Variants in STARD9 observed in about 807,000 individuals in gnomAD.
The protein encoded by STARD9 is StAR related lipid transfer domain containing 9, also known as stAR-related lipid transfer protein 9.
STARD9 carries 346 observed loss-of-function variants against 399.8 expected under a neutral mutation model. The ratio of observed to expected loss-of-function variants is 0.87; its 90% CI spans 0.79 to 0.95. The LOEUF (loss-of-function observed/expected upper bound fraction) is 0.95. Ranked by LOEUF, STARD9 falls within the 40% of genes least tolerant of loss-of-function variation. STARD9 has a pLI of 0.00. For synonymous variants in STARD9, 2,203 were observed against 2,143.5 expected (o/e 1.03, Z -0.77); for missense variants, 5,832 against 5,667.5 (o/e 1.03, Z -0.93).
rs2060736059 is a variant in STARD9, at chr15:42,692,591, G to A, written c.11013G>A (p.Leu3671=). 1 of 1,537,074 alleles carries A rather than the reference G, an allele frequency of 6.5e-7. No homozygotes were observed. Among genetic ancestry groups the A allele is most frequent in the South Asian group, 1.2e-5 (1 of 84,064 alleles). ...CCAGTGCAGTATCAGCCTTTGATCT[G>A]GCCTCATGGACCAGCATGCACAATC... The part of the protein sequence containing the change: ...PEASAVSAFD[L]ASWTSMHNLS... The change falls in exon 23 of 33, where the codon CTG becomes CTA. Residue 3671 remains leucine, a synonymous_variant. Coordinates refer to ENST00000290607, the MANE Select transcript of STARD9 (RefSeq NM_020759.3).
At chr15:42,595,674 C>T (rs886713394) in intron 3 of STARD9, among the ~76,000 whole-genome samples, 2 of 152,178 alleles carry the variant, frequency 1.3e-5, no homozygotes, top group Non-Finnish European at 2.9e-5. Context: ...GCAGCATTTT[C>T]TCATGAATAT....
intron 3 of STARD9, among the ~76,000 whole-genome samples, chr15:42,586,045 C>T (rs1044499993): frequency 5.3e-5 from 8 of 152,126 alleles, no homozygotes; most frequent in African/African-American, 1.4e-4. Flanking sequence ...GTATCACTTC[C>T]AGAAAGAACA....
chr15:42,710,319 T>TC (rs1441568314), intron 26 of STARD9, among the ~76,000 whole-genome samples: 4 of 151,352 alleles, frequency 2.6e-5, no homozygotes, highest in Admixed American at 2.6e-4. Context: ...CGCCTGAGCC[T>TC]CCCAAAGTGT....
intron 1 of STARD9, among the ~76,000 whole-genome samples, chr15:42,577,204 C>T (rs886083882): frequency 6.6e-6 from 1 of 151,648 alleles, no homozygotes; most frequent in Non-Finnish European, 1.5e-5. Flanking sequence ...CCCAGGCTGG[C>T]GTTGAGTGGC....
At chr15:42,588,521 A>G (rs1293480102) in intron 3 of STARD9, among the ~76,000 whole-genome samples, 1 of 152,092 alleles carries the variant, frequency 6.6e-6, no homozygotes, top group East Asian at 1.9e-4. Flanking sequence ...GAGTTAGGAT[A>G]GGAAAGAGAA....
At chr15:42,582,038 T>C (rs1160292088) in intron 1 of STARD9, among the ~76,000 whole-genome samples, 1 of 152,040 alleles carries the variant, frequency 6.6e-6, no homozygotes, top group African/African-American at 2.4e-5. Flanking sequence ...ACTTGGGAAG[T>C]TGAGGTGGAA....
intron 26 of STARD9, among the ~76,000 whole-genome samples, chr15:42,702,304 A>C (rs541187672): frequency 6.6e-6 from 1 of 152,006 alleles, no homozygotes; most frequent in South Asian, 2.1e-4. Context: ...CCCGGGTTCA[A>C]ATGATTCTCC....
Position 42,693,434 on chromosome 15 carries a change from C to G in STARD9, c.11856C>G (p.Ser3952=). 2 of 1,537,210 alleles carry G rather than the reference C, an allele frequency of 1.3e-6. No homozygotes were observed. The highest frequency in any genetic ancestry group is 1.7e-6 in the Non-Finnish European group (2 of 1,146,910). ...DAPRTPMDNY[S]QTTDELGGSQ... is the part of the protein sequence containing the mutation. ...CAAGGACTCCAATGGATAATTATTC[C>G]CAAACCACTGACGAGTTAGGTGGCT... The change falls in exon 23 of 33, where the codon TCC becomes TCG. Residue 3952 remains serine (S), a synonymous_variant. Coordinates refer to ENST00000290607, the MANE Select transcript of STARD9 (RefSeq NM_020759.3).
chr15:42,687,414 T>G lies in STARD9; in HGVS notation c.5836T>G (p.Ser1946Ala), dbSNP rs1448682260. 2 of 1,536,928 alleles carry G rather than the reference T, an allele frequency of 1.3e-6. No individual in the cohort carries two copies. Among genetic ancestry groups the G allele is most frequent in the Non-Finnish European group, 1.7e-6 (2 of 1,146,926 alleles). The change falls in exon 23 of 33, where the codon TCT (serine) becomes GCT (alanine). Residue 1946 changes from serine to alanine, a missense_variant. Physicochemically the swap from Ser to Ala is moderately conservative, Grantham distance 99. Transcript: ENST00000290607. ...AGACATGCCAGGGGAAAGTGCTGTT[T>G]CTTTGAAATCCAGATCAGTAGATCG... is the stretch of plus-strand genomic sequence containing the variant. ...EKDMPGESAV[S>A]LKSRSVDRRV... is the part of the protein sequence containing the mutation.
chr15:42,699,976 G>A (rs1481458932), intron 26 of STARD9, among the ~76,000 whole-genome samples: 1 of 152,120 alleles, frequency 6.6e-6, no homozygotes, highest in Non-Finnish European at 1.5e-5. Flanking sequence ...CAAAGCGTTG[G>A]GGTTACAGGC....
intron 26 of STARD9, among the ~76,000 whole-genome samples, chr15:42,705,757 A>G (rs900068487): frequency 8.3e-5 from 12 of 144,452 alleles, no homozygotes; most frequent in African/African-American, 3.1e-4. Flanking sequence ...TTGTTTGTTT[A>G]TTTTTTATTT....
In STARD9 at chr15:42,692,352, G is replaced by C; in HGVS notation, c.10774G>C (p.Gly3592Arg). Residue 3592 changes from glycine (G) to arginine (R), a missense_variant, in exon 23 of 33, where the codon GGC becomes CGC. Coordinates refer to ENST00000290607, the MANE Select transcript of STARD9 (RefSeq NM_020759.3). ...SGHDRRPQFR[G>R]PSGEADCLRS... Reference sequence around the variant, plus strand: ...TCATGACAGAAGGCCTCAGTTCAGGGGCCCTTCTGGTGAAGCAGACTGTCT... The same window carrying C: ...TCATGACAGAAGGCCTCAGTTCAGGCGCCCTTCTGGTGAAGCAGACTGTCT... 6.5e-7 allele frequency: 1 copy of C among 1,536,936 alleles called. No individual in the cohort carries two copies. The highest frequency in any genetic ancestry group is 8.7e-7 in the Non-Finnish European group (1 of 1,146,888).
intron 7 of STARD9, 24 bp downstream of exon 7, chr15:42,638,836 TCTGAAACCAAA>T: frequency 7.1e-7 from 1 of 1,400,466 alleles, no homozygotes; most frequent in Non-Finnish European, 9.7e-7. Context: ...GTCCTGGAGA[TCTGAAACCAAA>T]CTGAAGCCTG....
At chr15:42,604,257 C>T (rs1207992994) in intron 3 of STARD9, among the ~76,000 whole-genome samples, 9 of 152,266 alleles carry the variant, frequency 5.9e-5, no homozygotes, top group African/African-American at 2.2e-4. Flanking sequence ...CTTGTTTGAT[C>T]CACGCTTCTC....
In STARD9 at chr15:42,717,764, C is replaced by T. The variant is rs376374890; in HGVS notation, c.13528C>T (p.Leu4510Phe). 2.7e-4 allele frequency: 417 copies of T among 1,537,260 alleles called. No homozygotes were observed. Among genetic ancestry groups the T allele is most frequent in the Non-Finnish European group, 3.3e-4 (373 of 1,146,914 alleles). Residue 4510 changes from leucine to phenylalanine, a missense_variant, in exon 29 of 33, where the codon CTC becomes TTC. Leu to Phe is a conservative substitution (Grantham distance 22). Coordinates refer to ENST00000290607, the MANE Select transcript of STARD9 (RefSeq NM_020759.3). ...MAACSDNLHN[L>F]FSCQATAGWN... ...TGCTTGTTCGGATAATTTGCACAAC[C>T]TCTTCAGCTGCCAGGCAACTGCTGG... is the stretch of plus-strand genomic sequence containing the variant.
chr15:42,580,684 C>T (rs2058149269), intron 1 of STARD9, among the ~76,000 whole-genome samples: 1 of 152,098 alleles, frequency 6.6e-6, no homozygotes, highest in African/African-American at 2.4e-5. Flanking sequence ...TGGTGGCGGC[C>T]ACCTGTAGTC....
In STARD9 at chr15:42,674,975, CTG is replaced by C; in HGVS notation, c.1687+13_1687+14del. 1.3e-6 allele frequency: 2 copies of C among 1,516,496 alleles called. No individual in the cohort carries two copies. Among genetic ancestry groups the C allele is most frequent in the Non-Finnish European group, 1.8e-6 (2 of 1,137,852 alleles). 93.9% of individuals were successfully genotyped at this position (1,516,496 alleles called of 1,614,324 possible). On this transcript the variant is annotated intron_variant, in intron 18 of 32. Transcript: ENST00000290607. ...GCCGTCTGACTCAAGGTAGGACTGT[CTG>C]TAGCCCTGTTTATCCCAAGATGAGT...
chr15:42,712,064 T>TTATA (rs1555410908), intron 26 of STARD9, among the ~76,000 whole-genome samples: 20 of 48,780 alleles, frequency 4.1e-4, no homozygotes, highest in African/African-American at 3.6e-3. Flanking sequence ...GAGCATCTTT[T>TTATA]TATATATATA....
intron 1 of STARD9, among the ~76,000 whole-genome samples, chr15:42,580,541 C>T (rs1234361599): frequency 1.3e-5 from 2 of 152,134 alleles, no homozygotes; most frequent in Non-Finnish European, 2.9e-5. Context: ...AACTAGAAGG[C>T]GTGGTGGCTC....
Sources: allele counts gnomAD v4.1 joint callset (sites outside exome capture counted in the v4.1 genomes callset), GRCh38; gene constraint gnomAD v4.1.1; transcripts MANE v1.5; gene names NCBI Gene and HGNC (gene_info 2026-07-23, HGNC 2026-07-21).